The following EIF5B variants were observed in gnomAD, a reference collection of about 807,000 sequenced individuals.
EIF5B encodes eukaryotic translation initiation factor 5B, also known as eIF-5B.
A neutral mutation model predicts 147.5 loss-of-function variants in EIF5B; 47 were observed. That is an observed-to-expected ratio of 0.32 (90% CI 0.25 to 0.41). EIF5B has a LOEUF of 0.41. EIF5B is among the 10% of genes least tolerant of loss of function. EIF5B has a pLI of 1.00. For synonymous variants in EIF5B, 455 were observed against 456.2 expected, an observed-to-expected ratio of 1.00 and a Z score of 0.03; for missense variants, 1,064 against 1,413.2, an observed-to-expected ratio of 0.75 and a Z score of 3.96.
intron 14 of EIF5B, among the ~76,000 whole-genome samples, chr2:99,385,171 C>T (rs1323043960): frequency 2.6e-5 from 4 of 152,140 alleles, no homozygotes; most frequent in Non-Finnish European, 4.4e-5. Context: ...CTCAGCCTCC[C>T]GAGTAGCTGG....
rs891264911 is a variant in EIF5B at position 99,399,655 on chromosome 2, C to A, written c.*241C>A. On this transcript the variant is annotated 3_prime_UTR_variant, in exon 24 of 24. Transcript: ENST00000289371. ...CCTGTTCACTCACCTCTCCCTTCCC[C>A]AACCCTTCTCTACTTGGCTGCTGTT... 9.4e-6 allele frequency: 4 copies of A among 425,614 alleles called. No homozygotes were observed. Among genetic ancestry groups the A allele is most frequent in the Non-Finnish European group, 1.7e-5 (4 of 229,908 alleles). The allele number at this position is 425,614 out of a possible 1,614,324, so 26.4% of individuals were successfully genotyped here.
chr2:99,361,187 A>G lies in EIF5B; in HGVS notation c.286A>G (p.Lys96Glu), dbSNP rs1407752539. 10 of 1,553,948 alleles carry G rather than the reference A, an allele frequency of 6.4e-6. No homozygotes were observed. Among genetic ancestry groups the G allele is most frequent in the Non-Finnish European group, 8.6e-6 (10 of 1,158,210 alleles). ...NNEEEFTSKDKKKKGQKGKKQ... is the reference protein window; with the variant it reads ...NNEEEFTSKDEKKKGQKGKKQ... ...TGAAGAGGAATTCACCTCAAAAGAT[A>G]AAAAAAAGAAAGGACAGAAGGGCAA... is the stretch of plus-strand genomic sequence containing the variant. The change falls in exon 4 of 24, where the codon AAA becomes GAA. Residue 96 changes from lysine to glutamate, a missense_variant. Around this residue, in one of 4 missense-constraint regions of EIF5B, gnomAD observed 458 missense variants for 451.3 expected, o/e 1.01. Transcript: ENST00000289371.
intron 22 of EIF5B, chr2:99,397,846 G>C (rs1324330834): frequency 2.6e-5 from 4 of 151,954 alleles, no homozygotes; most frequent in Non-Finnish European, 5.9e-5. Context: ...GTAGATGGTT[G>C]CAAAATTGTG....
intron 16 of EIF5B, 61 bp downstream of exon 16, chr2:99,390,462 G>A: frequency 6.3e-7 from 1 of 1,582,654 alleles, no homozygotes; most frequent in Non-Finnish European, 8.6e-7. Context: ...AGTTCCTTGA[G>A]TGGAGGATAT....
In EIF5B at chr2:99,401,140, A is replaced by G. The variant is rs1348846888; in HGVS notation, c.*1726A>G. 3.2e-6 allele frequency: 2 copies of G among 624,988 alleles called. No individual in the cohort carries two copies. The highest frequency in any genetic ancestry group is 1.8e-5 in the African/African-American group (1 of 54,456). 38.7% of individuals were successfully genotyped at this position (624,988 alleles called of 1,614,324 possible). On this transcript the variant is annotated 3_prime_UTR_variant, in exon 24 of 24. Transcript: ENST00000289371. ...AAAACACTTGCTTTAAAAGAAATTT[A>G]AAATTATAAAAACTCCGAGCATTAC...
At chr2:99,390,055 T>G (rs1025550798) in intron 15 of EIF5B, among the ~76,000 whole-genome samples, 164 bp from the exon 16 acceptor site, 19 of 152,210 alleles carry the variant, frequency 1.2e-4, no homozygotes, top group African/African-American at 4.3e-4. Context: ...AGAACTACTT[T>G]GCTATAATAC....
At chr2:99,365,631 C>T (rs967780171) in intron 6 of EIF5B, among the ~76,000 whole-genome samples, 3 of 152,056 alleles carry the variant, frequency 2.0e-5, no homozygotes, top group African/African-American at 7.2e-5. Flanking sequence ...TTTTAAGGAG[C>T]AGTTAGACTT....
intron 8 of EIF5B, among the ~76,000 whole-genome samples, chr2:99,370,876 G>C (rs1181908519): frequency 6.6e-6 from 1 of 152,164 alleles, no homozygotes; most frequent in African/African-American, 2.4e-5. Flanking sequence ...TTGACCCAGA[G>C]TGATGGTGGT....
At chr2:99,372,055 A>G (rs2104204117) in intron 9 of EIF5B, among the ~76,000 whole-genome samples, 1 of 152,318 alleles carries the variant, frequency 6.6e-6, no homozygotes, top group Non-Finnish European at 1.5e-5. Context: ...TAATGAGATA[A>G]ATACTATAGT....
chr2:99,384,153 C>T (rs1248172264), intron 14 of EIF5B, among the ~76,000 whole-genome samples: 3 of 142,640 alleles, frequency 2.1e-5, no homozygotes, highest in Non-Finnish European at 3.0e-5. Context: ...GCCGAGATCG[C>T]GCCACTGCAC....
At chr2:99,373,802 G>A (rs563945903) in intron 9 of EIF5B, among the ~76,000 whole-genome samples, 3 of 151,770 alleles carry the variant, frequency 2.0e-5, no homozygotes, top group Admixed American at 2.0e-4. Context: ...TCATCTTTTG[G>A]TTACTAGGTT....
chr2:99,371,532 A>T (rs1045665524), intron 8 of EIF5B, 124 bp from the exon 9 acceptor site: 2 of 692,026 alleles, frequency 2.9e-6, no homozygotes, highest in Non-Finnish European at 2.3e-6. Context: ...ATAGCTGCAT[A>T]CATATTTTTT....
intron 1 of EIF5B, among the ~76,000 whole-genome samples, chr2:99,342,323 G>A (rs1185701963): frequency 2.0e-5 from 3 of 151,838 alleles, no homozygotes; most frequent in Non-Finnish European, 4.4e-5. Flanking sequence ...GATTATTTGT[G>A]ACACTTGACA....
At chr2:99,361,869 A>G (rs1398808340) in intron 4 of EIF5B, 49 bp downstream of exon 4, 23 of 1,462,728 alleles carry the variant, frequency 1.6e-5, no homozygotes, top group Non-Finnish European at 2.0e-5. Flanking sequence ...GATTCACAGT[A>G]TAAGTTGTAA....
intron 10 of EIF5B, 82 bp from the exon 11 acceptor site, chr2:99,378,937 T>C (rs1674617426): frequency 8.8e-7 from 1 of 1,131,208 alleles, no homozygotes; most frequent in Admixed American, 3.2e-5. Flanking sequence ...AGCATTCTTT[T>C]GCCAAGGCAA....
At position 99,337,652 on chromosome 2, in the gene EIF5B, G is replaced by T. The variant is rs1574913324; in HGVS notation, c.35+63G>T. 14 of 1,538,032 alleles carry T rather than the reference G, an allele frequency of 9.1e-6. No individual in the cohort carries two copies. In the East Asian group the frequency reaches 3.3e-4, roughly 36 times the overall value. ...TGGCTCAGTGGAGTGTGCGGGTCTC[G>T]CCGGGCGCGGCGTCGGACCGGGGTC... On this transcript the variant is annotated intron_variant, in intron 1 of 23. Transcript: ENST00000289371.
At chr2:99,347,487 G>A (rs1276033271) in intron 1 of EIF5B, among the ~76,000 whole-genome samples, 1 of 151,696 alleles carries the variant, frequency 6.6e-6, no homozygotes. Flanking sequence ...GTGAGGGTCT[G>A]AGATTCTGCA....
At position 99,369,496 on chromosome 2, in the gene EIF5B, C is replaced by G; in HGVS notation, c.1477+15C>G. The G allele has an allele frequency of 1.3e-6, 2 of 1,587,292 alleles. No homozygotes were observed. The highest frequency in any genetic ancestry group is 1.7e-6 in the Non-Finnish European group (2 of 1,162,748). On this transcript the variant is annotated intron_variant, in intron 8 of 23. Coordinates refer to ENST00000289371, the MANE Select transcript of EIF5B (RefSeq NM_015904.4). Reference sequence around the variant, plus strand: ...TGTTGAACCAGGCGGGTAGTGTTATCTGATTATTTAATTAGTGAATTCTTA... The same window carrying G: ...TGTTGAACCAGGCGGGTAGTGTTATGTGATTATTTAATTAGTGAATTCTTA...
chr2:99,375,206 G>A (rs536924629), intron 9 of EIF5B, among the ~76,000 whole-genome samples: 16 of 152,028 alleles, frequency 1.1e-4, no homozygotes, highest in Non-Finnish European at 1.9e-4. Context: ...TTCTTCTCAC[G>A]TAAATTGTTT....
Sources: allele counts gnomAD v4.1 joint callset (sites outside exome capture counted in the v4.1 genomes callset), GRCh38; gene constraint gnomAD v4.1.1; regional missense constraint gnomAD v4.1.1; transcripts MANE v1.5; gene names NCBI Gene and HGNC (gene_info 2026-07-23, HGNC 2026-07-21).